Variants in PRH1 observed in about 807,000 individuals in gnomAD.
PRH1 encodes the protein proline rich protein HaeIII subfamily 1, also known as salivary acidic proline-rich phosphoprotein 1/2.
In PRH1, 7 loss-of-function variants were observed where a neutral mutation model predicts 7.9. The observed-to-expected ratio is 0.89, with a 90% CI of 0.50 to 1.67. The LOEUF (loss-of-function observed/expected upper bound fraction) is 1.67. Ranked by LOEUF, PRH1 falls within the 40% of genes most tolerant of loss-of-function variation. The pLI is 0.00. For synonymous variants in PRH1, 45 were observed against 80.8 expected, an observed-to-expected ratio of 0.56 and a Z score of 2.38; for missense variants, 109 against 223.6, an observed-to-expected ratio of 0.49 and a Z score of 3.27.
upstream of PRH1, among the ~76,000 whole-genome samples, chr12:10,885,918 A>G (rs112265720): frequency 9.2e-5 from 14 of 152,330 alleles, no homozygotes; most frequent in African/African-American, 3.4e-4. Context: ...AAAGTTGCAG[A>G]TAATAATACA....
Position 10,882,196 on chromosome 12 carries a change from G to A in PRH1, c.*18+21C>T, listed in dbSNP as rs1467775026. 4.3e-6 allele frequency: 7 copies of A among 1,612,236 alleles called. No individual in the cohort carries two copies. In the African/African-American group the frequency reaches 8.0e-5, roughly 18 times the overall value. On this transcript the variant is annotated intron_variant, in intron 3 of 3. Coordinates refer to ENST00000543626, the MANE Select transcript of PRH1 (RefSeq NM_001393989.1). ...ACTGTAGCAGTTGGAGCCTTTGATG[G>A]ATAATAAACTGGAATCGTACCTGTC... is the stretch of plus-strand genomic sequence containing the variant.
At chr12:10,915,111 G>A (rs554072217) in intron 2 of PRH1, among the ~76,000 whole-genome samples, 3 of 152,302 alleles carry the variant, frequency 2.0e-5, no homozygotes, top group African/African-American at 4.8e-5. Context: ...CTGGGCCACA[G>A]AGTGAGACTC....
chr12:11,112,497 A>G (rs1408719676), intron 1 of PRH1, among the ~76,000 whole-genome samples: 1 of 152,200 alleles, frequency 6.6e-6, no homozygotes, highest in Non-Finnish European at 1.5e-5. Context: ...GGCTGGTTCA[A>G]CATATGCAAA....
intron 1 of PRH1, among the ~76,000 whole-genome samples, chr12:11,102,906 G>A (rs1945298874): frequency 6.6e-6 from 1 of 152,292 alleles, no homozygotes; most frequent in East Asian, 1.9e-4. Flanking sequence ...CTTCTCAAAA[G>A]AATACATTTA....
At chr12:11,101,417 G>C (rs1237385174) in intron 1 of PRH1, among the ~76,000 whole-genome samples, 6 of 152,178 alleles carry the variant, frequency 3.9e-5, no homozygotes, top group African/African-American at 1.2e-4. Context: ...TTGAGCCAAG[G>C]TGACAGAGGC....
intron 1 of PRH1, among the ~76,000 whole-genome samples, chr12:11,056,206 A>G (rs1455934643): frequency 6.6e-6 from 1 of 152,274 alleles, no homozygotes; most frequent in African/African-American, 2.4e-5. Flanking sequence ...TGTTTAATTA[A>G]AATACTCAGC....
chr12:10,909,429 G>A lies in PRH1; in HGVS notation c.-58-25154C>T, dbSNP rs145681875. On this transcript the variant is annotated intron_variant, in intron 2 of 3. Coordinates refer to the PRH1 transcript ENST00000539853. ...TTTTTCTGCTCCTTCTTTCATTGTT[G>A]GCTCAACGTCAAAGCAGAAATCTCT... The A allele has an allele frequency of 1.5e-3, 970 of 644,428 alleles. 8 individuals carry two copies. In the African/African-American group the frequency reaches 0.016, roughly 11 times the overall value. The allele number at this position is 644,428 out of a possible 1,614,324, so 39.9% of individuals were successfully genotyped here. A position where few individuals can be genotyped will look rare whatever the true frequency, so the allele number is the denominator to read the frequency against.
At chr12:11,056,481 A>T (rs963495726) in intron 1 of PRH1, among the ~76,000 whole-genome samples, 1 of 152,144 alleles carries the variant, frequency 6.6e-6, no homozygotes, top group Non-Finnish European at 1.5e-5. Flanking sequence ...TGGTATAGCT[A>T]TGATCTGAGA....
At chr12:11,091,252 C>T (rs1255193780) in intron 1 of PRH1, 1 of 1,119,846 alleles carries the variant, frequency 8.9e-7, no homozygotes, top group Non-Finnish European at 1.3e-6. Context: ...TTTCATACAC[C>T]ACCAGTTTGT....
At position 10,967,047 on chromosome 12, in the gene PRH1, G is replaced by A. The variant is rs891991416; in HGVS notation, c.-59+6608C>T. On this transcript the variant is annotated intron_variant, in intron 2 of 3. Transcript: ENST00000539853. ...GGAGAATGGTGTGAACCCCGGAGGCGGAGCTTGCAGTGAGCGGAGATGGCG... is the reference window on the plus strand; with the variant it reads ...GGAGAATGGTGTGAACCCCGGAGGCAGAGCTTGCAGTGAGCGGAGATGGCG... 5.3e-5 allele frequency among the ~76,000 whole-genome samples: 8 copies of A among 151,442 alleles called. No individual in the cohort carries two copies. In the South Asian group the frequency reaches 1.0e-3, roughly 20 times the overall value.
chr12:11,127,526 C>T (rs1946176081), intron 1 of PRH1, among the ~76,000 whole-genome samples: 1 of 152,264 alleles, frequency 6.6e-6, no homozygotes, highest in South Asian at 2.1e-4. Flanking sequence ...TCTTGGGAAG[C>T]CCAGGAAGGC....
intron 1 of PRH1, among the ~76,000 whole-genome samples, chr12:11,060,669 C>T (rs1212472925): frequency 3.9e-5 from 6 of 151,974 alleles, no homozygotes; most frequent in Non-Finnish European, 7.4e-5. Flanking sequence ...AAGCTATTCA[C>T]ATGCTTGTAT....
At chr12:11,038,294 G>A (rs376754054) in intron 1 of PRH1, among the ~76,000 whole-genome samples, 1 of 152,180 alleles carries the variant, frequency 6.6e-6, no homozygotes, top group Admixed American at 6.5e-5. Flanking sequence ...CGTTAACATG[G>A]ATGTTACCAC....
intron 1 of PRH1, among the ~76,000 whole-genome samples, chr12:11,114,200 G>C (rs574943028): frequency 1.1e-3 from 162 of 152,266 alleles, no homozygotes; most frequent in African/African-American, 3.5e-3. Flanking sequence ...AAAGACACAT[G>C]CACATGTATG....
At chr12:11,170,250 G>A (rs1025897240) in intron 1 of PRH1, among the ~76,000 whole-genome samples, 2 of 152,188 alleles carry the variant, frequency 1.3e-5, no homozygotes, top group African/African-American at 4.8e-5. Context: ...ATGGTATTAA[G>A]AGTTTGGAAG....
intron 1 of PRH1, among the ~76,000 whole-genome samples, chr12:11,149,722 G>A (rs1367669611): frequency 3.2e-4 from 45 of 139,920 alleles, no homozygotes; most frequent in African/African-American, 1.2e-3. Flanking sequence ...AACCCTAGAA[G>A]AAAACCTAGG....
At chr12:10,931,300 CCT>C (rs1950209491) in intron 2 of PRH1, 4 of 987,084 alleles carry the variant, frequency 4.1e-6, no homozygotes, top group Non-Finnish European at 5.8e-6. Context: ...CTTCAAATTA[CCT>C]CTCTTAAATA....
chr12:10,930,405 A>T, intron 2 of PRH1: 1 of 1,510,368 alleles, frequency 6.6e-7, no homozygotes, highest in East Asian at 2.3e-5. Flanking sequence ...GGAATTGGCT[A>T]ATATCAGTGC....
At chr12:11,122,427 G>A (rs1945939731) in intron 1 of PRH1, among the ~76,000 whole-genome samples, 1 of 152,248 alleles carries the variant, frequency 6.6e-6, no homozygotes, top group African/African-American at 2.4e-5. Flanking sequence ...TAGTTTTGGA[G>A]GATTTTCTCT....
Sources: gnomAD v4.1 joint callset for allele counts (sites outside exome capture counted in the v4.1 genomes callset) on GRCh38, gnomAD v4.1.1 for gene constraint, MANE v1.5 for transcripts, NCBI Gene and HGNC (gene_info 2026-07-23, HGNC 2026-07-21) for gene names.